RIC3: variants seen among roughly 807,000 people sequenced by gnomAD.
RIC3 encodes the protein protein RIC-3.
Under a neutral mutation model 27.3 loss-of-function variants are expected in RIC3, and 28 were observed. The ratio of observed to expected loss-of-function variants is 1.02; its 90% CI spans 0.76 to 1.41. The LOEUF is 1.41. Ranked by LOEUF, RIC3 falls within the 40% of genes most tolerant of loss-of-function variation. The pLI is 0.00. For synonymous variants in RIC3, 184 were observed against 160.4 expected, an observed-to-expected ratio of 1.15 and a Z score of -1.11; for missense variants, 501 against 444.7, an observed-to-expected ratio of 1.13 and a Z score of -1.14.
chr11:8,098,808 C>G, the RIC3 span: 1 of 1,614,210 alleles, frequency 6.2e-7, no homozygotes, highest in Non-Finnish European at 8.5e-7. Context: ...GGAGTCAACC[C>G]TCAGAAGGCC....
At position 8,109,299 on chromosome 11, in the gene RIC3, T is replaced by C. The variant is rs1944996304; in HGVS notation, c.*1399A>G. ...ACATAATGTCTTAATTTTCCAGTCT[T>C]CTACATTTCATGACTGGGAATGTCT... On this transcript the variant is annotated 3_prime_UTR_variant, in exon 6 of 6. Coordinates refer to ENST00000309737, the MANE Select transcript of RIC3 (RefSeq NM_001206671.4). 1 of 152,220 alleles carries C rather than the reference T, an allele frequency of 6.6e-6. No individual in the cohort carries two copies. The highest frequency in any genetic ancestry group is 1.5e-5 in the Non-Finnish European group (1 of 68,042). The allele number at this position is 152,220 out of a possible 1,614,324, so 9.4% of individuals were successfully genotyped here. A position where few individuals can be genotyped will look rare whatever the true frequency, so the allele number is the denominator to read the frequency against.
downstream of RIC3, chr11:8,103,881 A>C (rs1375797639): frequency 6.6e-6 from 1 of 152,278 alleles, no homozygotes; most frequent in Non-Finnish European, 1.5e-5. Flanking sequence ...GCACAAAGGA[A>C]AACTCTTGGC....
At chr11:8,134,697 G>A (rs1364881806) in intron 4 of RIC3, among the ~76,000 whole-genome samples, 1 of 152,118 alleles carries the variant, frequency 6.6e-6, no homozygotes, top group African/African-American at 2.4e-5. Flanking sequence ...TCTAACTGGT[G>A]TGAGGTGGTA....
downstream of RIC3, chr11:8,104,722 C>T (rs996018148): frequency 3.3e-5 from 5 of 152,154 alleles, no homozygotes; most frequent in South Asian, 2.1e-4. Flanking sequence ...GTATGTTGCA[C>T]GTATGCTTTT....
rs60087055 is a variant in RIC3, at chr11:8,151,585, C to CAAAAAAAAAAAAAAAA, written c.125-11393_125-11392insTTTTTTTTTTTTTTTT. On this transcript the variant is annotated intron_variant, in intron 1 of 5. Coordinates refer to ENST00000309737, the MANE Select transcript of RIC3 (RefSeq NM_001206671.4). ...TGGGCGACAGAGTGAAACTCCGTCT[C>CAAAAAAAAAAAAAAAA]AAAAAAAAAAAAAAGACAAATAAAC... is the stretch of plus-strand genomic sequence containing the variant. Among the ~76,000 whole-genome samples the CAAAAAAAAAAAAAAAA allele has an allele frequency of 8.6e-4, 53 of 61,566 alleles. 1 individual carries two copies. Among genetic ancestry groups the CAAAAAAAAAAAAAAAA allele is most frequent in the Middle Eastern group, 8.2e-3 (1 of 122 alleles). 40.4% of individuals were successfully genotyped at this position (61,566 alleles called of 152,430 possible).
chr11:8,151,581 G>T (rs1428595526), intron 1 of RIC3, among the ~76,000 whole-genome samples: 1 of 45,392 alleles, frequency 2.2e-5, no homozygotes, highest in Non-Finnish European at 3.5e-5. Context: ...GTGAAACTCC[G>T]TCTCAAAAAA....
intron 1 of RIC3, among the ~76,000 whole-genome samples, chr11:8,151,535 G>A (rs1206694728): frequency 1.5e-5 from 2 of 134,566 alleles, no homozygotes; most frequent in Non-Finnish European, 3.0e-5. Flanking sequence ...GCAGTGAGTC[G>A]AGATCGCGCC....
intron 4 of RIC3, among the ~76,000 whole-genome samples, chr11:8,128,670 A>G (rs1947281363): frequency 6.9e-6 from 1 of 145,270 alleles, no homozygotes; most frequent in Non-Finnish European, 1.5e-5. Context: ...ATTGATCCCC[A>G]TTTCCTCACC....
At chr11:8,155,798 A>C (rs1235375754) in intron 1 of RIC3, among the ~76,000 whole-genome samples, 1 of 152,222 alleles carries the variant, frequency 6.6e-6, no homozygotes, top group Non-Finnish European at 1.5e-5. Context: ...CAGCGGTTCA[A>C]GAAAGGTCTT....
intron 1 of RIC3, among the ~76,000 whole-genome samples, chr11:8,150,240 T>C (rs1313644442): frequency 6.6e-6 from 1 of 152,214 alleles, no homozygotes; most frequent in Non-Finnish European, 1.5e-5. Context: ...CTGAAGGTTG[T>C]AACCCTTTAT....
intron 5 of RIC3, among the ~76,000 whole-genome samples, chr11:8,116,849 T>A (rs1232179074): frequency 6.6e-6 from 1 of 152,222 alleles, no homozygotes; most frequent in African/African-American, 2.4e-5. Context: ...AACAGTATAC[T>A]GGCTCCTCAA....
chr11:8,114,061 C>A (rs1372311599), intron 5 of RIC3, among the ~76,000 whole-genome samples: 2 of 152,202 alleles, frequency 1.3e-5, no homozygotes, highest in African/African-American at 4.8e-5. Flanking sequence ...CACCAGGCCA[C>A]CCTGCCTAAG....
At chr11:8,128,787 C>T (rs1223642435) in intron 4 of RIC3, among the ~76,000 whole-genome samples, 1 of 127,072 alleles carries the variant, frequency 7.9e-6, no homozygotes, top group Non-Finnish European at 1.6e-5. Flanking sequence ...GATGGAGTCT[C>T]GCTGTCGCCC....
chr11:8,163,441 T>C (rs937656734), intron 1 of RIC3, among the ~76,000 whole-genome samples: 1 of 151,724 alleles, frequency 6.6e-6, no homozygotes, highest in Non-Finnish European at 1.5e-5. Flanking sequence ...CTAGGGCAGT[T>C]AGGCCAAAAA....
intron 1 of RIC3, 57 bp downstream of exon 1, chr11:8,168,809 A>T: frequency 1.3e-6 from 2 of 1,564,668 alleles, no homozygotes; most frequent in East Asian, 2.4e-5. Context: ...TCCCTCAAGC[A>T]GCGTTCTCCG....
intron 1 of RIC3, among the ~76,000 whole-genome samples, chr11:8,148,012 G>A (rs572986099): frequency 7.2e-5 from 11 of 152,052 alleles, no homozygotes; most frequent in South Asian, 2.1e-4. Context: ...GGCATGAGCC[G>A]AATTTGGGTA....
At chr11:8,143,861 C>T in intron 1 of RIC3, among the ~76,000 whole-genome samples, 1 of 152,114 alleles carries the variant, frequency 6.6e-6, no homozygotes, top group Non-Finnish European at 1.5e-5. Context: ...ACAGAGCCCT[C>T]AGAAATAACG....
downstream of RIC3, chr11:8,101,645 G>A: frequency 6.2e-7 from 1 of 1,612,714 alleles, no homozygotes; most frequent in South Asian, 1.1e-5. Context: ...CTTTGGGGTT[G>A]CCCAGCCTGG....
Position 8,137,491 on chromosome 11 carries a change from C to G in RIC3, c.428-20G>C. On this transcript the variant is annotated intron_variant, in intron 3 of 5. Coordinates refer to ENST00000309737, the MANE Select transcript of RIC3 (RefSeq NM_001206671.4). ...AACTGGCTAAAAAATAAGCAACAAT[C>G]TAAGAACCATCAGAGACAACTCCCT... is the stretch of plus-strand genomic sequence containing the variant. 3.1e-6 allele frequency: 5 copies of G among 1,604,992 alleles called. No individual in the cohort carries two copies. Among genetic ancestry groups the G allele is most frequent in the African/African-American group, 1.3e-5 (1 of 74,872 alleles).
Sources: gnomAD v4.1 joint callset for allele counts (sites outside exome capture counted in the v4.1 genomes callset) on GRCh38, gnomAD v4.1.1 for gene constraint, MANE v1.5 for transcripts, NCBI Gene and HGNC (gene_info 2026-07-23, HGNC 2026-07-21) for gene names.